The following UNC5D variants were observed in gnomAD, a reference collection of about 807,000 sequenced individuals.
UNC5D encodes the protein netrin receptor UNC5D.
A neutral mutation model predicts 105.4 loss-of-function variants in UNC5D; 39 were observed. The observed-to-expected ratio is 0.37, with a 90% CI of 0.29 to 0.48. The LOEUF (loss-of-function observed/expected upper bound fraction) is 0.48. Among genes scored for constraint, UNC5D ranks in the 20% least tolerant of loss-of-function variants. The pLI is 0.98. For missense variants in UNC5D, 991 were observed against 1,202.4 expected (o/e 0.82, Z 2.60); for synonymous variants, 452 against 450.4 (o/e 1.00, Z -0.04).
intron 1 of UNC5D, among the ~76,000 whole-genome samples, chr8:35,493,545 G>A (rs1322658630): frequency 1.3e-5 from 2 of 152,048 alleles, no homozygotes; most frequent in African/African-American, 4.8e-5. Flanking sequence ...CTAGCTGGCA[G>A]TTAATTTAAA....
chr8:35,391,609 A>G (rs924567082), intron 1 of UNC5D, among the ~76,000 whole-genome samples: 1 of 152,196 alleles, frequency 6.6e-6, no homozygotes, highest in Non-Finnish European at 1.5e-5. Context: ...AATAGGAAAA[A>G]CTATTGGTCA....
chr8:35,399,746 T>C (rs1563379594), intron 1 of UNC5D, among the ~76,000 whole-genome samples: 1 of 152,100 alleles, frequency 6.6e-6, no homozygotes, highest in Non-Finnish European at 1.5e-5. Context: ...TGAAAACTGG[T>C]GTGGATGTAG....
At chr8:35,657,618 G>A (rs1302600189) in intron 4 of UNC5D, among the ~76,000 whole-genome samples, 1 of 152,110 alleles carries the variant, frequency 6.6e-6, no homozygotes, top group Non-Finnish European at 1.5e-5. Context: ...CTGAGTAGCT[G>A]AGAGTACAAG....
chr8:35,339,833 G>A (rs1256559896), intron 1 of UNC5D, among the ~76,000 whole-genome samples: 2 of 152,196 alleles, frequency 1.3e-5, no homozygotes, highest in East Asian at 3.9e-4. Context: ...ATAATTTTAG[G>A]CTCTTTTTAT....
At chr8:35,712,240 C>A (rs1828009508) in intron 8 of UNC5D, among the ~76,000 whole-genome samples, 1 of 152,164 alleles carries the variant, frequency 6.6e-6, no homozygotes, top group Admixed American at 6.5e-5. Flanking sequence ...CACTGTACTC[C>A]AGCCTGGACG....
At chr8:35,632,299 A>G (rs1358765079) in intron 4 of UNC5D, among the ~76,000 whole-genome samples, 16 of 152,236 alleles carry the variant, frequency 1.1e-4, no homozygotes, top group Non-Finnish European at 2.2e-4. Flanking sequence ...TAGAAAATGC[A>G]TCCTTTAACC....
chr8:35,790,571 C>A lies in UNC5D; in HGVS notation c.*8C>A. 2 of 1,613,318 alleles carry A rather than the reference C, an allele frequency of 1.2e-6. No homozygotes were observed. The highest frequency in any genetic ancestry group is 2.2e-5 in the South Asian group (2 of 91,050). The stretch of plus-strand genomic sequence containing the variant: ...AGGCAAAATGGACTCTAGTCCACTT[C>A]CTCCCATGAGACAGAGTGATGGCCA... On this transcript the variant is annotated 3_prime_UTR_variant, in exon 17 of 17. Transcript: ENST00000404895.
intron 7 of UNC5D, among the ~76,000 whole-genome samples, chr8:35,689,660 T>C (rs559093900): frequency 1.5e-3 from 231 of 152,176 alleles, no homozygotes; most frequent in Non-Finnish European, 2.8e-3. Flanking sequence ...AGTGTTCTAG[T>C]TGGAAGGCTG....
chr8:35,302,726 G>T (rs922308394), intron 1 of UNC5D, among the ~76,000 whole-genome samples: 4 of 152,106 alleles, frequency 2.6e-5, no homozygotes, highest in African/African-American at 9.7e-5. Flanking sequence ...TACGGTATAG[G>T]TAATAGATTT....
At chr8:35,374,080 C>T (rs374496371) in intron 1 of UNC5D, among the ~76,000 whole-genome samples, 13 of 152,324 alleles carry the variant, frequency 8.5e-5, no homozygotes, top group African/African-American at 3.1e-4. Context: ...TTCGTGGTGA[C>T]ATACTGGTAG....
chr8:35,297,424 T>C (rs990473417), intron 1 of UNC5D, among the ~76,000 whole-genome samples: 1 of 152,184 alleles, frequency 6.6e-6, no homozygotes, highest in African/African-American at 2.4e-5. Flanking sequence ...ACCAACTGCT[T>C]GGACCTTTAT....
intron 4 of UNC5D, among the ~76,000 whole-genome samples, chr8:35,621,128 G>T (rs932810601): frequency 6.6e-6 from 1 of 152,150 alleles, no homozygotes; most frequent in Non-Finnish European, 1.5e-5. Flanking sequence ...TGTTATTCCT[G>T]GCTGAGAATC....
chr8:35,769,532 C>G (rs1340512672), intron 15 of UNC5D, among the ~76,000 whole-genome samples: 2 of 152,154 alleles, frequency 1.3e-5, no homozygotes, highest in Non-Finnish European at 2.9e-5. Context: ...TAGAATTGTT[C>G]ATTCTATAAT....
intron 13 of UNC5D, among the ~76,000 whole-genome samples, chr8:35,751,994 G>C (rs1830303711): frequency 6.6e-6 from 1 of 152,168 alleles, no homozygotes. Context: ...AGGGCAGTGA[G>C]AAAATTGCTT....
chr8:35,694,614 C>A (rs1826627856), intron 7 of UNC5D, among the ~76,000 whole-genome samples: 1 of 152,102 alleles, frequency 6.6e-6, no homozygotes, highest in South Asian at 2.1e-4. Flanking sequence ...ACAAAGGATT[C>A]TTTGTGAGAA....
At chr8:35,659,750 C>G (rs1193762675) in intron 4 of UNC5D, among the ~76,000 whole-genome samples, 2 of 152,324 alleles carry the variant, frequency 1.3e-5, no homozygotes, top group African/African-American at 4.8e-5. Context: ...ATTGGTGCCT[C>G]TGTATTGCTG....
intron 4 of UNC5D, among the ~76,000 whole-genome samples, chr8:35,663,969 C>T (rs1175252976): frequency 6.6e-6 from 1 of 152,110 alleles, no homozygotes; most frequent in Non-Finnish European, 1.5e-5. Flanking sequence ...TAACCACCAG[C>T]CAGATGTTGA....
rs946511993 is a variant in UNC5D at position 35,776,084 on chromosome 8, G to GA, written c.2657+1612dup. Among the ~76,000 whole-genome samples, 28 of 152,070 alleles carry GA rather than the reference G, an allele frequency of 1.8e-4. 1 individual carries two copies. The highest frequency in any genetic ancestry group is 6.3e-4 in the African/African-American group (26 of 41,424). On this transcript the variant is annotated intron_variant, in intron 16 of 16. Coordinates refer to ENST00000404895, the MANE Select transcript of UNC5D (RefSeq NM_080872.4). ...TTCTGATCAACATGGATCCAAAAAT[G>GA]AAAAATGAACCCAGAAAATATAACA...
At chr8:35,662,163 A>G (rs1824142560) in intron 4 of UNC5D, among the ~76,000 whole-genome samples, 2 of 150,202 alleles carry the variant, frequency 1.3e-5, no homozygotes, top group Admixed American at 1.3e-4. Flanking sequence ...AGTAGAGTCC[A>G]AAAGGAACTA....
Sources: allele counts gnomAD v4.1 joint callset (sites outside exome capture counted in the v4.1 genomes callset), GRCh38; gene constraint gnomAD v4.1.1; transcripts MANE v1.5; gene names NCBI Gene and HGNC (gene_info 2026-07-23, HGNC 2026-07-21).